The following SDK1 variants were observed in gnomAD, a reference collection of about 807,000 sequenced individuals.
SDK1 encodes the protein protein sidekick-1.
A neutral mutation model predicts 245.5 loss-of-function variants in SDK1; 157 were observed. That is an observed-to-expected ratio of 0.64 (90% CI 0.56 to 0.73). The LOEUF (loss-of-function observed/expected upper bound fraction) is 0.73. SDK1 is among the 30% of genes least tolerant of loss of function. The pLI is 0.00. For missense variants in SDK1, 3,583 were observed against 3,002.3 expected, an observed-to-expected ratio of 1.19 and a Z score of -4.52; for synonymous variants, 1,647 against 1,278.5, an observed-to-expected ratio of 1.29 and a Z score of -6.15.
chr7:3,987,147 T>C (rs1783916688), intron 13 of SDK1, 39 bp from the exon 14 acceptor site: 1 of 1,610,830 alleles, frequency 6.2e-7, no homozygotes, highest in South Asian at 1.1e-5. Context: ...TTCTGACATG[T>C]GTTTTCCTCT....
chr7:3,740,743 T>G (rs1007127075), intron 4 of SDK1, among the ~76,000 whole-genome samples: 1 of 152,210 alleles, frequency 6.6e-6, no homozygotes, highest in Non-Finnish European at 1.5e-5. Context: ...TTCGTCTGTT[T>G]TTCTTGAATA....
chr7:4,065,391 C>T (rs1265885554), intron 19 of SDK1, among the ~76,000 whole-genome samples: 5 of 152,148 alleles, frequency 3.3e-5, no homozygotes, highest in Admixed American at 6.6e-5. Flanking sequence ...TAAGCTGAGA[C>T]ATCGCCAGCT....
intron 1 of SDK1, among the ~76,000 whole-genome samples, chr7:3,495,740 G>A (rs957102885): frequency 2.0e-5 from 3 of 152,210 alleles, no homozygotes; most frequent in African/African-American, 7.2e-5. Context: ...CACATGCCAC[G>A]AGGCGAGACA....
chr7:3,304,126 C>G (rs937508495), intron 1 of SDK1, among the ~76,000 whole-genome samples: 1 of 152,140 alleles, frequency 6.6e-6, no homozygotes, highest in South Asian at 2.1e-4. Context: ...TGTAACTGAT[C>G]ATGATGGGAA....
intron 5 of SDK1, among the ~76,000 whole-genome samples, chr7:3,932,747 G>T (rs1489091135): frequency 6.6e-6 from 1 of 152,158 alleles, no homozygotes; most frequent in Non-Finnish European, 1.5e-5. Context: ...CTCGTTCTGT[G>T]GCCTTGTTTT....
chr7:3,680,800 C>G (rs1784075883), intron 4 of SDK1, among the ~76,000 whole-genome samples: 3 of 152,154 alleles, frequency 2.0e-5, no homozygotes, highest in African/African-American at 7.2e-5. Context: ...GCTATCCTGA[C>G]TTATGCGTTA....
chr7:3,712,364 A>G lies in SDK1; in HGVS notation c.713+70259A>G, dbSNP rs371289478. ...TCTGTCACTGTCTCCCATCACCCCC[A>G]GATGGGACTGTCTAGTTGTAAGAAA... On this transcript the variant is annotated intron_variant, in intron 4 of 44. Coordinates refer to ENST00000404826, the MANE Select transcript of SDK1 (RefSeq NM_152744.4). Among the ~76,000 whole-genome samples, 9 of 152,210 alleles carry G rather than the reference A, an allele frequency of 5.9e-5. No individual in the cohort carries two copies. The East Asian group carries it at 9.6e-4, about 16-fold the overall frequency.
At chr7:4,071,943 C>G (rs1206873711) in intron 20 of SDK1, among the ~76,000 whole-genome samples, 1 of 152,198 alleles carries the variant, frequency 6.6e-6, no homozygotes, top group Admixed American at 6.5e-5. Context: ...AGCCCCTGCC[C>G]TGCCCTTTGT....
chr7:3,753,685 G>C (rs980719859), intron 4 of SDK1, among the ~76,000 whole-genome samples: 1 of 152,318 alleles, frequency 6.6e-6, no homozygotes, highest in South Asian at 2.1e-4. Flanking sequence ...TCAGGTGTCT[G>C]ACTATAGTGG....
rs10240764 is a variant in SDK1 at position 3,876,249 on chromosome 7, A to G, written c.847+54666A>G. 8.7e-3 allele frequency among the ~76,000 whole-genome samples: 1,318 copies of G among 152,280 alleles called. 22 individuals carry two copies. Among genetic ancestry groups the G allele is most frequent in the African/African-American group, 0.03 (1,247 of 41,552 alleles). ...GCATCCTGGCAACTTTGTTCAAAGT[A>G]TTTCTCCTAATTTCCAGCTTTTTGG... On this transcript the variant is annotated intron_variant, in intron 5 of 44. Transcript: ENST00000404826.
At chr7:3,643,895 A>C (rs1239401725) in intron 4 of SDK1, 1 of 148,578 alleles carries the variant, frequency 6.7e-6, no homozygotes, top group Non-Finnish European at 1.5e-5. Context: ...ATAATTATAT[A>C]ATACTTATAA....
At chr7:3,982,349 A>G (rs1019793574) in intron 13 of SDK1, among the ~76,000 whole-genome samples, 5 of 152,194 alleles carry the variant, frequency 3.3e-5, no homozygotes, top group African/African-American at 1.2e-4. Context: ...AAGGAGATGA[A>G]TGTGGGTTTC....
chr7:3,419,378 G>T (rs1779472727), intron 1 of SDK1, among the ~76,000 whole-genome samples: 1 of 152,062 alleles, frequency 6.6e-6, no homozygotes, highest in African/African-American at 2.4e-5. Flanking sequence ...GTTCCCTCTT[G>T]TGCCTCTGCC....
chr7:3,508,537 A>T (rs1369216304), intron 1 of SDK1, among the ~76,000 whole-genome samples: 2 of 152,058 alleles, frequency 1.3e-5, no homozygotes, highest in African/African-American at 4.8e-5. Flanking sequence ...CATGTTGGCC[A>T]GGCTGGTCTC....
intron 1 of SDK1, among the ~76,000 whole-genome samples, chr7:3,524,306 T>C (rs1289291876): frequency 6.6e-6 from 1 of 152,080 alleles, no homozygotes; most frequent in Non-Finnish European, 1.5e-5. Context: ...AAATCCTACT[T>C]AGGTTTTAAC....
intron 4 of SDK1, among the ~76,000 whole-genome samples, chr7:3,713,001 CA>C (rs1785093321): frequency 6.6e-6 from 1 of 152,204 alleles, no homozygotes; most frequent in African/African-American, 2.4e-5. Context: ...CTGTTGGCCA[CA>C]AGCTTGTCTT....
intron 7 of SDK1, chr7:3,958,096 C>G: frequency 2.3e-6 from 1 of 440,754 alleles, no homozygotes; most frequent in Non-Finnish European, 4.6e-6. Context: ...GCTATCTTAT[C>G]CACATTCAAC....
chr7:4,194,021 A>G (rs1456759110), intron 35 of SDK1, among the ~76,000 whole-genome samples: 2 of 152,260 alleles, frequency 1.3e-5, no homozygotes, highest in East Asian at 3.9e-4. Flanking sequence ...TCTCCATACT[A>G]CTAGAAGTAG....
Position 4,266,383 on chromosome 7 carries a change from A to G in SDK1, c.*999A>G, listed in dbSNP as rs749909910. ...AGATGAAAAGCAACAGTGTCTGCAA[A>G]TAAAGCAAAACAGCTCTGAGAACAC... On this transcript the variant is annotated 3_prime_UTR_variant, in exon 45 of 45. Transcript: ENST00000404826. 1.3e-5 allele frequency: 13 copies of G among 985,356 alleles called. No individual in the cohort carries two copies. Among genetic ancestry groups the G allele is most frequent in the Non-Finnish European group, 1.6e-5 (13 of 829,946 alleles). The allele number at this position is 985,356 out of a possible 1,614,324, so 61.0% of individuals were successfully genotyped here. A position where few individuals can be genotyped will look rare whatever the true frequency, so the allele number is the denominator to read the frequency against.
Sources: gnomAD v4.1 joint callset for allele counts (sites outside exome capture counted in the v4.1 genomes callset) on GRCh38, gnomAD v4.1.1 for gene constraint, MANE v1.5 for transcripts, NCBI Gene and HGNC (gene_info 2026-07-23, HGNC 2026-07-21) for gene names.